Variants in CYFIP2 observed in about 807,000 individuals in gnomAD.
The protein encoded by CYFIP2 is cytoplasmic FMR1 interacting protein 2, also known as cytoplasmic FMR1-interacting protein 2.
In CYFIP2, 29 loss-of-function variants were observed where a neutral mutation model predicts 158.7. That is an observed-to-expected ratio of 0.18 (90% CI 0.14 to 0.25). The LOEUF (loss-of-function observed/expected upper bound fraction) is 0.25, where lower values mean the gene tolerates loss of function less well. Ranked by LOEUF, CYFIP2 falls within the 10% of genes least tolerant of loss-of-function variation. The probability of loss-of-function intolerance (pLI) is 1.00; values close to 1 mark genes in which losing one functional copy is unlikely to be tolerated. For synonymous variants in CYFIP2, 585 were observed against 617.6 expected (o/e 0.95, Z 0.78); for missense variants, 852 against 1,639.5 (o/e 0.52, Z 8.29).
chr5:157,301,031 A>C, intron 6 of CYFIP2, 135 bp downstream of exon 6: 1 of 740,994 alleles, frequency 1.3e-6, no homozygotes, highest in Non-Finnish European at 2.0e-6. Flanking sequence ...CCCCAAACAT[A>C]GTGAGGCTTG....
At chr5:157,340,049 T>C (rs1045279394) in intron 22 of CYFIP2, among the ~76,000 whole-genome samples, 1 of 152,234 alleles carries the variant, frequency 6.6e-6, no homozygotes, top group African/African-American at 2.4e-5. Flanking sequence ...CAAAACAGCA[T>C]ACATTTGCAG....
intron 3 of CYFIP2, among the ~76,000 whole-genome samples, 162 bp downstream of exon 3, chr5:157,287,270 C>T (rs1561691791): frequency 6.6e-6 from 1 of 152,236 alleles, no homozygotes; most frequent in Admixed American, 6.5e-5. Context: ...GCGCCATCCC[C>T]TGTCGGTGCC....
chr5:157,293,556 A>G lies in CYFIP2; in HGVS notation c.208-1227A>G, dbSNP rs138559607. ...GTACATGGGCTGTTATAAAAGTGTG[A>G]AAATTATAGTGCTATATGACTTTTT... is the stretch of plus-strand genomic sequence containing the variant. On this transcript the variant is annotated intron_variant, in intron 3 of 30. Transcript: ENST00000620254. Among the ~76,000 whole-genome samples the G allele has an allele frequency of 2.8e-3, 430 of 152,340 alleles. 2 individuals carry two copies. The highest frequency in any genetic ancestry group is 4.9e-3 in the Non-Finnish European group (330 of 68,028).
intron 8 of CYFIP2, among the ~76,000 whole-genome samples, chr5:157,306,238 T>G (rs1363794676): frequency 6.6e-6 from 1 of 152,242 alleles, no homozygotes; most frequent in East Asian, 1.9e-4. Flanking sequence ...TTTGCAGGGC[T>G]GAGTGGCTTT....
At chr5:157,383,793 C>T (rs1213689632) in intron 28 of CYFIP2, among the ~76,000 whole-genome samples, 1 of 152,180 alleles carries the variant, frequency 6.6e-6, no homozygotes, top group Non-Finnish European at 1.5e-5. Flanking sequence ...ACAACCCAAA[C>T]ATCTAATAGT....
At chr5:157,274,599 T>C (rs1210499136) in intron 1 of CYFIP2, among the ~76,000 whole-genome samples, 2 of 152,204 alleles carry the variant, frequency 1.3e-5, no homozygotes, top group African/African-American at 2.4e-5. Flanking sequence ...AGGAGTAGAA[T>C]TGCTGGGTCA....
chr5:157,360,172 C>G, intron 24 of CYFIP2, 110 bp from the exon 25 acceptor site: 2 of 834,808 alleles, frequency 2.4e-6, no homozygotes, highest in Non-Finnish European at 3.8e-6. Flanking sequence ...AGGGACTGTT[C>G]CCCGCCTTTA....
rs998893304 is a variant in CYFIP2 at position 157,395,492 on chromosome 5, A to G, written c.*2492A>G. 7.7e-6 allele frequency: 4 copies of G among 519,748 alleles called. No homozygotes were observed. The highest frequency in any genetic ancestry group is 6.9e-5 in the East Asian group (1 of 14,566). 32.2% of individuals were successfully genotyped at this position (519,748 alleles called of 1,614,324 possible). On this transcript the variant is annotated 3_prime_UTR_variant, in exon 31 of 31. Transcript: ENST00000620254. ...GTTAAATTCTTAAATCATATTTGCT[A>G]TGCAGCTGAAGATGATATTTTGATT...
At chr5:157,336,872 A>C (rs967847760) in intron 21 of CYFIP2, among the ~76,000 whole-genome samples, 3 of 152,216 alleles carry the variant, frequency 2.0e-5, no homozygotes, top group African/African-American at 7.2e-5. Context: ...CCAGAAGAAC[A>C]AATCCGAAAT....
intron 21 of CYFIP2, among the ~76,000 whole-genome samples, chr5:157,336,246 T>C (rs1761849179): frequency 6.6e-6 from 1 of 152,158 alleles, no homozygotes; most frequent in South Asian, 2.1e-4. Context: ...TCACCCTCAT[T>C]TTACACAGCT....
intron 29 of CYFIP2, 118 bp from the exon 30 acceptor site, chr5:157,390,403 C>A: frequency 1.1e-6 from 1 of 950,732 alleles, no homozygotes; most frequent in Non-Finnish European, 1.5e-6. Context: ...GGTTAAGAGA[C>A]TTGGCCCAAA....
At chr5:157,321,605 A>G (rs567793914) in intron 15 of CYFIP2, among the ~76,000 whole-genome samples, 1 of 152,334 alleles carries the variant, frequency 6.6e-6, no homozygotes, top group South Asian at 2.1e-4. Flanking sequence ...GATGGTTCTC[A>G]TTGCAAGTTT....
At chr5:157,285,061 C>T (rs912732511) in intron 1 of CYFIP2, among the ~76,000 whole-genome samples, 2 of 152,260 alleles carry the variant, frequency 1.3e-5, no homozygotes, top group East Asian at 3.9e-4. Flanking sequence ...CTTGATTTTT[C>T]ATCAGTTATA....
chr5:157,317,571 C>G (rs2113085972), intron 13 of CYFIP2, among the ~76,000 whole-genome samples: 1 of 152,248 alleles, frequency 6.6e-6, no homozygotes, highest in East Asian at 1.9e-4. Context: ...GGTTTCCTTC[C>G]CCCATCTTCC....
chr5:157,306,178 C>T (rs1759204083), intron 8 of CYFIP2, among the ~76,000 whole-genome samples: 1 of 152,196 alleles, frequency 6.6e-6, no homozygotes. Context: ...CTGAGAATCC[C>T]AGCCCTGTGT....
rs142405299 is a variant in CYFIP2, at chr5:157,279,978, C to G, written c.-23-5361C>G. On this transcript the variant is annotated intron_variant, in intron 1 of 30. Transcript: ENST00000620254. ...CACTTGAGCTAAAAATGTCGGATTT[C>G]CTTCTCCCTTAGGCACTGAATGATC... Among the ~76,000 whole-genome samples the G allele has an allele frequency of 3.7e-4, 56 of 152,308 alleles. 1 individual carries two copies. The highest frequency in any genetic ancestry group is 1.3e-3 in the African/African-American group (53 of 41,576).
Position 157,311,565 on chromosome 5 carries a change from G to A in CYFIP2, c.993-99G>A. On this transcript the variant is annotated intron_variant, in intron 10 of 30. Transcript: ENST00000620254. This position sits in a 1 kb window ranked among gnomAD's most constrained non-coding sequence, Gnocchi z 4.7. ...GGATACCATTTGGTGTCACCCAGGG[G>A]AGTTGGCCACGTGGGCTGAGCACCA... 2.0e-6 allele frequency: 2 copies of A among 1,012,606 alleles called. No individual in the cohort carries two copies. The highest frequency in any genetic ancestry group is 2.3e-5 in the Admixed American group (1 of 42,806). 62.7% of individuals were successfully genotyped at this position (1,012,606 alleles called of 1,614,324 possible). A position where few individuals can be genotyped will look rare whatever the true frequency, so the allele number is the denominator to read the frequency against.
intron 29 of CYFIP2, chr5:157,389,635 C>G (rs1164170281): frequency 5.5e-6 from 3 of 547,472 alleles, no homozygotes; most frequent in Non-Finnish European, 9.8e-6. Context: ...CTGCCTCACC[C>G]CCACTACACT....
intron 10 of CYFIP2, among the ~76,000 whole-genome samples, chr5:157,310,076 AC>A (rs1355591053): frequency 3.3e-5 from 5 of 152,102 alleles, no homozygotes; most frequent in African/African-American, 1.2e-4. Context: ...CCCAGCAGTG[AC>A]TCGCATGTCC....
Sources: allele counts gnomAD v4.1 joint callset (sites outside exome capture counted in the v4.1 genomes callset), GRCh38; gene constraint gnomAD v4.1.1; non-coding constraint Gnocchi (gnomAD v3.1); transcripts MANE v1.5; gene names NCBI Gene and HGNC (gene_info 2026-07-23, HGNC 2026-07-21).